The following CEP112 variants were observed in gnomAD, a reference collection of about 807,000 sequenced individuals.
CEP112 encodes centrosomal protein 112.
Under a neutral mutation model 153.0 loss-of-function variants are expected in CEP112, and 127 were observed. The ratio of observed to expected loss-of-function variants is 0.83; its 90% CI spans 0.72 to 0.96. The LOEUF (loss-of-function observed/expected upper bound fraction) is 0.96, where lower values mean the gene tolerates loss of function less well. Ranked by LOEUF, CEP112 falls within the 40% of genes least tolerant of loss-of-function variation. The pLI, the probability that CEP112 is intolerant of heterozygous loss-of-function variation, is 0.00. For missense variants in CEP112, 1,089 were observed against 1,101.2 expected (o/e 0.99, Z 0.16); for synonymous variants, 358 against 374.4 (o/e 0.96, Z 0.51).
chr17:65,669,933 G>C (rs2046898904), intron 24 of CEP112, among the ~76,000 whole-genome samples: 1 of 149,480 alleles, frequency 6.7e-6, no homozygotes, highest in Admixed American at 6.7e-5. Context: ...GAGAAAAATA[G>C]AATTATGCTG....
intron 17 of CEP112, among the ~76,000 whole-genome samples, chr17:65,964,954 A>T (rs1475296022): frequency 6.6e-6 from 1 of 152,212 alleles, no homozygotes; most frequent in African/African-American, 2.4e-5. Flanking sequence ...TTACTTTTTA[A>T]TTATGGAACA....
chr17:66,050,432 G>A (rs2066391562), intron 12 of CEP112, among the ~76,000 whole-genome samples: 1 of 152,104 alleles, frequency 6.6e-6, no homozygotes, highest in Non-Finnish European at 1.5e-5. Flanking sequence ...AACTGTGCCT[G>A]AAGTCTCCCA....
chr17:65,653,967 G>A (rs1361969971), intron 24 of CEP112, among the ~76,000 whole-genome samples: 1 of 148,802 alleles, frequency 6.7e-6, no homozygotes, highest in Admixed American at 6.8e-5. Flanking sequence ...GCTGAGGCAG[G>A]AGAATTGCTT....
chr17:65,994,541 C>T (rs1713577123), intron 17 of CEP112, among the ~76,000 whole-genome samples: 1 of 152,154 alleles, frequency 6.6e-6, no homozygotes, highest in Admixed American at 6.5e-5. Context: ...ATTGCCTAAG[C>T]TGGTTTCAAA....
intron 18 of CEP112, among the ~76,000 whole-genome samples, chr17:65,938,831 A>T (rs1020306003): frequency 7.3e-5 from 11 of 151,432 alleles, no homozygotes; most frequent in African/African-American, 2.7e-4. Context: ...TTTTTTTTTG[A>T]GACAAAGTCT....
At chr17:65,945,643 C>T (rs1352817639) in intron 18 of CEP112, among the ~76,000 whole-genome samples, 1 of 151,772 alleles carries the variant, frequency 6.6e-6, no homozygotes, top group East Asian at 1.9e-4. Flanking sequence ...GAAACTAAGC[C>T]CCTTTTTATT....
chr17:65,953,242 C>T (rs2061895054), intron 18 of CEP112, among the ~76,000 whole-genome samples: 1 of 152,126 alleles, frequency 6.6e-6, no homozygotes, highest in Non-Finnish European at 1.5e-5. Context: ...TTACAGTCTA[C>T]TAAGTCTTTT....
At chr17:65,955,564 G>A (rs951262440) in intron 18 of CEP112, among the ~76,000 whole-genome samples, 3 of 152,094 alleles carry the variant, frequency 2.0e-5, no homozygotes, top group African/African-American at 4.8e-5. Context: ...TGGCAGAATC[G>A]ATAAGAATTC....
chr17:65,881,427 C>A (rs544162391), intron 20 of CEP112, among the ~76,000 whole-genome samples: 16 of 150,990 alleles, frequency 1.1e-4, no homozygotes, highest in Admixed American at 9.9e-4. Context: ...TGTGTATGCA[C>A]ATACACATAC....
chr17:65,732,217 C>T (rs2050548991), intron 23 of CEP112, among the ~76,000 whole-genome samples: 1 of 152,200 alleles, frequency 6.6e-6, no homozygotes, highest in Admixed American at 6.5e-5. Flanking sequence ...ACATTCATCT[C>T]CTTGTACATC....
intron 17 of CEP112, among the ~76,000 whole-genome samples, chr17:65,962,264 A>T (rs1308331223): frequency 6.6e-6 from 1 of 151,586 alleles, no homozygotes; most frequent in Non-Finnish European, 1.5e-5. Context: ...TATGTGAATT[A>T]TATCTCATGT....
intron 20 of CEP112, among the ~76,000 whole-genome samples, chr17:65,870,919 T>G (rs1397567903): frequency 1.3e-5 from 2 of 152,222 alleles, no homozygotes; most frequent in Non-Finnish European, 2.9e-5. Context: ...CAACACCCTC[T>G]CCACTTACTG....
At chr17:66,190,663 T>C (rs2073130586) in intron 1 of CEP112, among the ~76,000 whole-genome samples, 1 of 152,214 alleles carries the variant, frequency 6.6e-6, no homozygotes, top group Non-Finnish European at 1.5e-5. Context: ...GGGTGACTCT[T>C]GCTTATAGCT....
In CEP112 at chr17:65,970,427, CAT is replaced by C. The variant is rs2062666100; in HGVS notation, c.1737-8831_1737-8830del. 1.7e-4 allele frequency among the ~76,000 whole-genome samples: 15 copies of C among 89,486 alleles called. No homozygotes were observed. The Admixed American group carries it at 1.7e-3, about 10-fold the overall frequency. 58.7% of individuals were successfully genotyped at this position (89,486 alleles called of 152,430 possible). A position where few individuals can be genotyped will look rare whatever the true frequency, so the allele number is the denominator to read the frequency against. ...ACACATCATGCATGTATATTACATG[CAT>C]GCACACATCATGCATGTATATTACA... On this transcript the variant is annotated intron_variant, in intron 17 of 26. Transcript: ENST00000535342.
chr17:65,680,032 T>A (rs9635739), intron 24 of CEP112, among the ~76,000 whole-genome samples: 49,796 of 152,122 alleles, frequency 0.33, 8,397 homozygotes, highest in Middle Eastern at 0.49. Context: ...AATCAAGGAC[T>A]TTTTTGGTGT....
chr17:65,832,739 G>T (rs1568086065), intron 21 of CEP112, among the ~76,000 whole-genome samples: 2 of 151,190 alleles, frequency 1.3e-5, no homozygotes, highest in Non-Finnish European at 2.9e-5. Flanking sequence ...AAACTCCAGG[G>T]CCTGATGGAT....
chr17:65,880,604 A>G (rs1262966722), intron 20 of CEP112, among the ~76,000 whole-genome samples: 2 of 152,228 alleles, frequency 1.3e-5, no homozygotes, highest in Admixed American at 6.5e-5. Context: ...TAAAGAAGGT[A>G]GCATTGTCTG....
chr17:65,829,869 A>G (rs1361845374), intron 21 of CEP112, among the ~76,000 whole-genome samples: 2 of 152,192 alleles, frequency 1.3e-5, no homozygotes, highest in Non-Finnish European at 2.9e-5. Context: ...GTCACACAAG[A>G]TACTGGGACA....
chr17:65,710,768 C>A (rs1459068483), intron 23 of CEP112, among the ~76,000 whole-genome samples: 1 of 152,174 alleles, frequency 6.6e-6, no homozygotes, highest in Non-Finnish European at 1.5e-5. Context: ...TTCTCTGTAG[C>A]TTAAGAAGTG....
Sources: allele counts gnomAD v4.1 joint callset (sites outside exome capture counted in the v4.1 genomes callset), GRCh38; gene constraint gnomAD v4.1.1; transcripts MANE v1.5; gene names NCBI Gene and HGNC (gene_info 2026-07-23, HGNC 2026-07-21).